MEMO1: variants seen among roughly 807,000 people sequenced by gnomAD.
The protein encoded by MEMO1 is protein MEMO1.
Under a neutral mutation model 45.2 loss-of-function variants are expected in MEMO1, and 6 were observed. The observed-to-expected ratio is 0.13, with a 90% CI of 0.07 to 0.26. The LOEUF (loss-of-function observed/expected upper bound fraction) is 0.26, where lower values mean the gene tolerates loss of function less well. Among genes scored for constraint, MEMO1 ranks in the 10% least tolerant of loss-of-function variants. MEMO1 has a pLI of 1.00. For synonymous variants in MEMO1, 78 were observed against 124.3 expected (o/e 0.63, Z 2.48); for missense variants, 184 against 370.5 (o/e 0.50, Z 4.13).
chr2:31,923,657 A>G, intron 4 of MEMO1: 2 of 1,548,060 alleles, frequency 1.3e-6, no homozygotes, highest in South Asian at 1.2e-5. Context: ...AATAATGAGA[A>G]AGGGCATTTT....
chr2:31,933,243 C>A lies in MEMO1; in HGVS notation c.144-1108G>T, dbSNP rs973638273. 3.7e-5 allele frequency among the ~76,000 whole-genome samples: 5 copies of A among 135,886 alleles called. No homozygotes were observed. In the East Asian group the frequency reaches 1.1e-3, roughly 31 times the overall value. 89.1% of individuals were successfully genotyped at this position (135,886 alleles called of 152,430 possible). On this transcript the variant is annotated intron_variant, in intron 3 of 9. Transcript: ENST00000404530. ...GCTGAGGCAGGAGGATTGCTTAAGCCAAGTTCTATATTACAGTGAGCTATG... is the reference window on the plus strand; with the variant it reads ...GCTGAGGCAGGAGGATTGCTTAAGCAAAGTTCTATATTACAGTGAGCTATG...
intron 8 of MEMO1, among the ~76,000 whole-genome samples, chr2:31,873,941 T>C (rs905579419): frequency 6.6e-6 from 1 of 152,078 alleles, no homozygotes; most frequent in Non-Finnish European, 1.5e-5. Flanking sequence ...GTTATAAAAC[T>C]TACTAAAAAG....
chr2:31,906,300 GTT>G (rs566139722), intron 6 of MEMO1, among the ~76,000 whole-genome samples: 2 of 148,508 alleles, frequency 1.3e-5, no homozygotes, highest in African/African-American at 2.5e-5. Context: ...TTTTGTTTTT[GTT>G]TTTTTTGTTT....
intron 6 of MEMO1, among the ~76,000 whole-genome samples, chr2:31,911,336 G>A (rs115461238): frequency 0.013 from 2,025 of 152,262 alleles, 21 homozygotes; most frequent in Middle Eastern, 0.031. Flanking sequence ...TACTGAGACA[G>A]TAAACTGATC....
At chr2:31,979,152 G>C (rs752440775) in intron 2 of MEMO1, among the ~76,000 whole-genome samples, 1 of 152,142 alleles carries the variant, frequency 6.6e-6, no homozygotes, top group Non-Finnish European at 1.5e-5. Flanking sequence ...GCCCAGAAGA[G>C]ACTGCCATTT....
chr2:32,009,171 CTT>C (rs1265964934), intron 2 of MEMO1, among the ~76,000 whole-genome samples: 1 of 152,174 alleles, frequency 6.6e-6, no homozygotes, highest in Non-Finnish European at 1.5e-5. Context: ...GTCTAAAATG[CTT>C]TTAGACAGTG....
intron 8 of MEMO1, among the ~76,000 whole-genome samples, chr2:31,875,820 G>A (rs1043839293): frequency 1.3e-5 from 2 of 152,066 alleles, no homozygotes; most frequent in Non-Finnish European, 2.9e-5. Flanking sequence ...CCGAGTAGCT[G>A]GGACTACAGG....
intron 2 of MEMO1, among the ~76,000 whole-genome samples, chr2:31,974,066 G>A (rs576447174): frequency 1.4e-4 from 21 of 152,274 alleles, no homozygotes; most frequent in Admixed American, 2.0e-4. Flanking sequence ...AGTTAAAGCA[G>A]AAACTGCTAA....
chr2:31,937,687 A>G (rs951087958), intron 3 of MEMO1, among the ~76,000 whole-genome samples: 4 of 152,206 alleles, frequency 2.6e-5, no homozygotes, highest in Non-Finnish European at 4.4e-5. Flanking sequence ...TTTCTCCCAT[A>G]CTACTCCTAC....
chr2:31,975,064 C>G (rs1669847152), intron 2 of MEMO1, among the ~76,000 whole-genome samples: 1 of 150,026 alleles, frequency 6.7e-6, no homozygotes, highest in African/African-American at 2.5e-5. Flanking sequence ...CCCAGCTACT[C>G]GGGAGGCTGA....
At chr2:31,909,364 A>C (rs755344906) in intron 6 of MEMO1, among the ~76,000 whole-genome samples, 26 of 152,200 alleles carry the variant, frequency 1.7e-4, no homozygotes, top group Non-Finnish European at 3.4e-4. Flanking sequence ...AAAAACCTGA[A>C]GTCTCCACCA....
intron 4 of MEMO1, among the ~76,000 whole-genome samples, chr2:31,925,576 A>G (rs1457629632): frequency 6.6e-6 from 1 of 151,812 alleles, no homozygotes; most frequent in African/African-American, 2.4e-5. Context: ...CTACCACAAT[A>G]GTTCTCAAAC....
At chr2:31,911,441 A>G (rs1680554302) in intron 6 of MEMO1, among the ~76,000 whole-genome samples, 1 of 152,218 alleles carries the variant, frequency 6.6e-6, no homozygotes. Flanking sequence ...GTATGGTATT[A>G]TAACAACAGA....
chr2:31,908,903 A>G (rs1266317705), intron 6 of MEMO1, among the ~76,000 whole-genome samples: 2 of 152,212 alleles, frequency 1.3e-5, no homozygotes, highest in African/African-American at 4.8e-5. Flanking sequence ...ATCTGAGAAG[A>G]ACTTCTTAAG....
intron 7 of MEMO1, among the ~76,000 whole-genome samples, chr2:31,890,667 A>C (rs536102155): frequency 1.3e-5 from 2 of 152,282 alleles, no homozygotes; most frequent in East Asian, 3.9e-4. Flanking sequence ...AAGTGCAACT[A>C]CCTGCATATC....
intron 2 of MEMO1, among the ~76,000 whole-genome samples, chr2:31,971,042 T>C (rs538940150): frequency 1.3e-5 from 2 of 152,264 alleles, no homozygotes; most frequent in African/African-American, 4.8e-5. Flanking sequence ...TACCTACAAA[T>C]TAGACCAAAA....
intron 6 of MEMO1, among the ~76,000 whole-genome samples, 159 bp from the exon 7 acceptor site, chr2:31,892,293 T>C (rs1404308463): frequency 2.0e-5 from 3 of 152,124 alleles, no homozygotes; most frequent in Non-Finnish European, 4.4e-5. Context: ...ATTAAATGTT[T>C]AAAGGGTACA....
rs752295550 is a variant in MEMO1 at position 31,912,513 on chromosome 2, CAAAAAAAAAAA to C, written c.437+5402_437+5412del. On this transcript the variant is annotated intron_variant, in intron 6 of 9. Coordinates refer to ENST00000404530, the MANE Select transcript of MEMO1 (RefSeq NM_001301833.4). ...GGGGGACAAGAATGAAACTCTGTCT[CAAAAAAAAAAA>C]AAAAAAAAGCAATTATAATAGTAAA... 2.7e-3 allele frequency among the ~76,000 whole-genome samples: 166 copies of C among 60,560 alleles called. No homozygotes were observed. In the Middle Eastern group the frequency reaches 0.076, roughly 28 times the overall value. 39.7% of individuals were successfully genotyped at this position (60,560 alleles called of 152,430 possible). A position where few individuals can be genotyped will look rare whatever the true frequency, so the allele number is the denominator to read the frequency against.
chr2:31,909,092 G>C (rs574914092), intron 6 of MEMO1, among the ~76,000 whole-genome samples: 1 of 152,274 alleles, frequency 6.6e-6, no homozygotes, highest in South Asian at 2.1e-4. Context: ...AACAAATTGG[G>C]TGTAGAAGGA....
Sources: allele counts gnomAD v4.1 joint callset (sites outside exome capture counted in the v4.1 genomes callset), GRCh38; gene constraint gnomAD v4.1.1; transcripts MANE v1.5; gene names NCBI Gene and HGNC (gene_info 2026-07-23, HGNC 2026-07-21).